The following GRK4 variants were observed in gnomAD, a reference collection of about 807,000 sequenced individuals.
GRK4 encodes the protein G protein-coupled receptor kinase 4.
GRK4 carries 73 observed loss-of-function variants against 77.9 expected under a neutral mutation model. That is an observed-to-expected ratio of 0.94 (90% CI 0.78 to 1.14). GRK4 has a LOEUF of 1.14. Ranked by LOEUF, GRK4 falls within the 50% of genes most tolerant of loss-of-function variation. The pLI is 0.00. For synonymous variants in GRK4, 257 were observed against 254.4 expected (o/e 1.01, Z -0.10); for missense variants, 729 against 700.2 (o/e 1.04, Z -0.46).
At chr4:2,979,759 G>C (rs1037464299) in intron 1 of GRK4, among the ~76,000 whole-genome samples, 4 of 152,112 alleles carry the variant, frequency 2.6e-5, no homozygotes, top group Non-Finnish European at 5.9e-5. Context: ...CATGCTTGTG[G>C]TCCCAGCTGC....
chr4:3,030,660 G>A (rs1024918096), intron 12 of GRK4, among the ~76,000 whole-genome samples: 1 of 151,816 alleles, frequency 6.6e-6, no homozygotes, highest in Non-Finnish European at 1.5e-5. Context: ...AGAGGGGGTC[G>A]GCCTGCTGGG....
chr4:3,036,583 C>A (rs1740702871), intron 13 of GRK4, among the ~76,000 whole-genome samples: 1 of 152,232 alleles, frequency 6.6e-6, no homozygotes, highest in African/African-American at 2.4e-5. Context: ...CCTGAAAGTG[C>A]AAGGAACTGT....
At chr4:2,967,028 C>G (rs535175196) in intron 1 of GRK4, 1 of 152,186 alleles carries the variant, frequency 6.6e-6, no homozygotes, top group South Asian at 2.1e-4. Context: ...GAGAGTGGAA[C>G]CCTCGTGAAT....
At chr4:2,990,624 C>T (rs1160484635) in intron 3 of GRK4, among the ~76,000 whole-genome samples, 1 of 152,046 alleles carries the variant, frequency 6.6e-6, no homozygotes, top group African/African-American at 2.4e-5. Context: ...GGGATGGAAC[C>T]CTGGGTGTAA....
At chr4:3,009,777 T>C in intron 7 of GRK4, 66 bp downstream of exon 7, 2 of 1,177,272 alleles carry the variant, frequency 1.7e-6, no homozygotes, top group Non-Finnish European at 2.5e-6. Flanking sequence ...CCTGAGAACA[T>C]GGCTTCAGGT....
chr4:2,991,960 T>C (rs1338543633), intron 3 of GRK4, among the ~76,000 whole-genome samples: 1 of 152,076 alleles, frequency 6.6e-6, no homozygotes, highest in Non-Finnish European at 1.5e-5. Context: ...AGACTCTTGA[T>C]CAGTAGAGTT....
At chr4:2,967,573 A>G (rs1433140684) in intron 1 of GRK4, among the ~76,000 whole-genome samples, 2 of 151,348 alleles carry the variant, frequency 1.3e-5, no homozygotes, top group African/African-American at 4.9e-5. Context: ...AATTTTTTGT[A>G]TTTTTAGTAG....
intron 8 of GRK4, among the ~76,000 whole-genome samples, chr4:3,015,662 A>G (rs1274564945): frequency 2.0e-5 from 3 of 149,528 alleles, no homozygotes; most frequent in Admixed American, 1.3e-4. Flanking sequence ...GCAACAGAGC[A>G]AGACTCCATC....
At chr4:3,001,896 T>C (rs1729931662) in intron 4 of GRK4, among the ~76,000 whole-genome samples, 1 of 152,226 alleles carries the variant, frequency 6.6e-6, no homozygotes, top group Admixed American at 6.5e-5. Context: ...TTGTTTCTAA[T>C]TACAAATTAG....
In GRK4 at chr4:3,040,007, G is replaced by C. The variant is rs184722189; in HGVS notation, c.1684-565G>C. ...CCCCACACTGCTTCTTAGGCAGCCA[G>C]AGACCCTGTGACATTCATGCCTCAG... On this transcript the variant is annotated intron_variant, in intron 15 of 15. Coordinates refer to ENST00000398052, the MANE Select transcript of GRK4 (RefSeq NM_182982.3). Among the ~76,000 whole-genome samples, 176 of 152,314 alleles carry C rather than the reference G, an allele frequency of 1.2e-3. 7 individuals are homozygous for C. Among genetic ancestry groups the C allele is most frequent in the Admixed American group, 2.5e-3 (38 of 15,302 alleles).
intron 1 of GRK4, among the ~76,000 whole-genome samples, chr4:2,971,876 G>A (rs1264017514): frequency 6.6e-6 from 1 of 152,182 alleles, no homozygotes; most frequent in African/African-American, 2.4e-5. Context: ...CTCTGTGGGT[G>A]TGTCTGTGTC....
intron 1 of GRK4, chr4:2,965,596 C>T (rs547567005): frequency 1.6e-6 from 1 of 636,956 alleles, no homozygotes; most frequent in African/African-American, 1.8e-5. Context: ...GTAGTCCCAG[C>T]TACTCTGGAA....
intron 7 of GRK4, among the ~76,000 whole-genome samples, chr4:3,011,758 A>G (rs754124300): frequency 3.9e-5 from 6 of 152,240 alleles, no homozygotes; most frequent in Non-Finnish European, 5.9e-5. Flanking sequence ...AGTGGGCTTG[A>G]GAGAGCAAAC....
Position 3,004,265 on chromosome 4 carries a change from T to A in GRK4, c.374T>A (p.Val125Asp). ...AAPLPEIPPD[V>D]VTECRLGLKE... is the part of the protein sequence containing the mutation. ...CCTTTACCAGAAATACCTCCAGATG[T>A]TGTGACAGAATGTAGATTGGGACTG... The change falls in exon 5 of 16, where the codon GTT becomes GAT. Residue 125 changes from valine (V) to aspartate (D), a missense_variant. By Grantham distance (152) the Val-to-Asp change is radical. Coordinates refer to ENST00000398052, the MANE Select transcript of GRK4 (RefSeq NM_182982.3). 3 of 1,613,872 alleles carry A rather than the reference T, an allele frequency of 1.9e-6. No homozygotes were observed. The highest frequency in any genetic ancestry group is 2.5e-6 in the Non-Finnish European group (3 of 1,179,750).
intron 2 of GRK4, chr4:2,987,182 C>G (rs1225199119): frequency 2.0e-6 from 1 of 508,622 alleles, no homozygotes; most frequent in South Asian, 1.5e-5. Flanking sequence ...TTTGCCTGTT[C>G]CAGACATTTC....
At chr4:2,987,791 T>C (rs1001907739) in intron 2 of GRK4, among the ~76,000 whole-genome samples, 1 of 151,776 alleles carries the variant, frequency 6.6e-6, no homozygotes, top group Non-Finnish European at 1.5e-5. Flanking sequence ...ATTACAAAAA[T>C]TGGGCCAGGC....
At chr4:3,023,410 T>A (rs1399345471) in intron 10 of GRK4, among the ~76,000 whole-genome samples, 1 of 152,204 alleles carries the variant, frequency 6.6e-6, no homozygotes, top group South Asian at 2.1e-4. Flanking sequence ...AGAGCACACA[T>A]GGCAAGGTCA....
intron 1 of GRK4, among the ~76,000 whole-genome samples, chr4:2,980,795 G>T (rs1295387370): frequency 6.6e-6 from 1 of 152,240 alleles, no homozygotes; most frequent in Non-Finnish European, 1.5e-5. Context: ...TCTGTGGCCA[G>T]TGGCGGCTTT....
rs574637030 is a variant in GRK4 at position 3,029,838 on chromosome 4, G to A, written c.1269+429G>A. Among the ~76,000 whole-genome samples, 18 of 152,286 alleles carry A rather than the reference G, an allele frequency of 1.2e-4. No individual in the cohort carries two copies. In the South Asian group the frequency reaches 3.7e-3, roughly 32 times the overall value. ...CCTCCTTCCCCATGCTCCTGCCACTGGGATTTCATCAGACAAAAAGAGCCA... is the reference window on the plus strand; with the variant it reads ...CCTCCTTCCCCATGCTCCTGCCACTAGGATTTCATCAGACAAAAAGAGCCA... On this transcript the variant is annotated intron_variant, in intron 12 of 15. Transcript: ENST00000398052.
Sources: allele counts gnomAD v4.1 joint callset (sites outside exome capture counted in the v4.1 genomes callset), GRCh38; gene constraint gnomAD v4.1.1; transcripts MANE v1.5; gene names NCBI Gene and HGNC (gene_info 2026-07-23, HGNC 2026-07-21).